KCNMA1: variants seen among roughly 807,000 people sequenced by gnomAD.
KCNMA1 encodes the protein potassium calcium-activated channel subfamily M alpha 1, also known as Calcium-activated potassium channel subunit alpha-1.
In KCNMA1, 29 loss-of-function variants were observed where a neutral mutation model predicts 140.0. That is an observed-to-expected ratio of 0.21 (90% CI 0.15 to 0.28). The LOEUF is 0.28. Ranked by LOEUF, KCNMA1 falls within the 10% of genes least tolerant of loss-of-function variation. KCNMA1 has a pLI of 1.00. For synonymous variants in KCNMA1, 612 were observed against 611.9 expected (o/e 1.00, Z 0.00); for missense variants, 880 against 1,602.2 (o/e 0.55, Z 7.70).
Position 76,911,754 on chromosome 10 carries a change from G to A in KCNMA1, c.3017-1658C>T, listed in dbSNP as rs894200930. ...AAGGTCTTGCTCAGGGGTCTTTCAA[G>A]AGGTAGCTTTTCCTCACCTCCCTTC... On this transcript the variant is annotated intron_variant, in intron 24 of 27. Transcript: ENST00000286628. 2.0e-5 allele frequency: 3 copies of A among 152,230 alleles called. No individual in the cohort carries two copies. In the South Asian group the frequency reaches 6.2e-4, roughly 32 times the overall value. 9.4% of individuals were successfully genotyped at this position (152,230 alleles called of 1,614,324 possible).
Position 77,339,463 on chromosome 10 carries a change from G to C in KCNMA1, c.540+64399C>G, listed in dbSNP as rs892263465. Among the ~76,000 whole-genome samples the C allele has an allele frequency of 1.2e-4, 18 of 152,256 alleles. No individual in the cohort carries two copies. The Middle Eastern group carries it at 0.01, about 86-fold the overall frequency. ...TCTTGGTTTTCCAGACATAGCAGATGTGACTGTGTTTGTATCTACCCCCAG... is the reference window on the plus strand; with the variant it reads ...TCTTGGTTTTCCAGACATAGCAGATCTGACTGTGTTTGTATCTACCCCCAG... On this transcript the variant is annotated intron_variant, in intron 2 of 27. Coordinates refer to ENST00000286628, the MANE Select transcript of KCNMA1 (RefSeq NM_001161352.2).
intron 1 of KCNMA1, among the ~76,000 whole-genome samples, chr10:77,571,671 C>T (rs754183396): frequency 6.6e-6 from 1 of 152,170 alleles, no homozygotes; most frequent in Non-Finnish European, 1.5e-5. Context: ...ATTTCCAACT[C>T]CCCACCTGGC....
chr10:76,906,292 G>A (rs923360340), intron 25 of KCNMA1, among the ~76,000 whole-genome samples: 8 of 152,182 alleles, frequency 5.3e-5, no homozygotes, highest in Non-Finnish European at 4.4e-5. Context: ...CACCTGGTGC[G>A]ACTGTGTGCA....
At chr10:77,131,984 A>G (rs2097871094) in intron 5 of KCNMA1, among the ~76,000 whole-genome samples, 1 of 146,764 alleles carries the variant, frequency 6.8e-6, no homozygotes, top group Admixed American at 6.8e-5. Flanking sequence ...AAAAAAAAAG[A>G]AAAGAAAAGG....
intron 23 of KCNMA1, among the ~76,000 whole-genome samples, chr10:76,923,156 A>C (rs910007785): frequency 6.6e-6 from 1 of 152,204 alleles, no homozygotes; most frequent in Non-Finnish European, 1.5e-5. Context: ...AACCAACCAA[A>C]CAAACAAAAC....
intron 3 of KCNMA1, among the ~76,000 whole-genome samples, chr10:77,235,530 C>T (rs893735752): frequency 1.3e-5 from 2 of 152,190 alleles, no homozygotes; most frequent in Non-Finnish European, 2.9e-5. Flanking sequence ...CCCAAGGTCA[C>T]TCACCCACAT....
intron 1 of KCNMA1, among the ~76,000 whole-genome samples, chr10:77,541,200 C>T (rs143159142): frequency 6.8e-4 from 103 of 151,932 alleles, no homozygotes; most frequent in South Asian, 2.5e-3. Flanking sequence ...TAAGTATAAA[C>T]GAATTAAACG....
At position 76,885,770 on chromosome 10, in the gene KCNMA1, C is replaced by T; in HGVS notation, c.*1496G>A. On this transcript the variant is annotated 3_prime_UTR_variant, in exon 28 of 28. Coordinates refer to ENST00000286628, the MANE Select transcript of KCNMA1 (RefSeq NM_001161352.2). ...TAAAGCATGATTTGCATGCACAAAG[C>T]ATCTGACAACTATATGTTGAAAAAA... 1.0e-6 allele frequency: 1 copy of T among 985,224 alleles called. No individual in the cohort carries two copies. The highest frequency in any genetic ancestry group is 1.2e-6 in the Non-Finnish European group (1 of 829,778). 61.0% of individuals were successfully genotyped at this position (985,224 alleles called of 1,614,324 possible).
chr10:77,082,262 C>T (rs1017751171), intron 12 of KCNMA1, among the ~76,000 whole-genome samples: 2 of 151,838 alleles, frequency 1.3e-5, no homozygotes, highest in South Asian at 2.1e-4. Context: ...CTCCTGACCT[C>T]GTGATCTGCC....
In KCNMA1 at chr10:77,348,263, T is replaced by G. The variant is rs111962967; in HGVS notation, c.540+55599A>C. Among the ~76,000 whole-genome samples, 3 of 152,200 alleles carry G rather than the reference T, an allele frequency of 2.0e-5. No homozygotes were observed. The East Asian group carries it at 5.8e-4, about 29-fold the overall frequency. ...GTGTGCTCTGACATACGATTCGAGA[T>G]GTACCAAGTCTGAGTCATTTACCCT... On this transcript the variant is annotated intron_variant, in intron 2 of 27. Transcript: ENST00000286628.
chr10:77,161,743 C>T (rs930070021), intron 5 of KCNMA1, among the ~76,000 whole-genome samples: 1 of 152,182 alleles, frequency 6.6e-6, no homozygotes, highest in Non-Finnish European at 1.5e-5. Flanking sequence ...GCTCTGCATA[C>T]ATTTAAATGC....
intron 16 of KCNMA1, among the ~76,000 whole-genome samples, chr10:77,024,912 T>C (rs966219600): frequency 2.6e-5 from 4 of 152,104 alleles, no homozygotes; most frequent in Admixed American, 6.5e-5. Context: ...TTCTGCTCTA[T>C]AGACAAGAAA....
intron 21 of KCNMA1, chr10:76,952,129 T>C: frequency 6.4e-7 from 1 of 1,551,936 alleles, no homozygotes; most frequent in Non-Finnish European, 8.7e-7. Flanking sequence ...ATTAAAACCC[T>C]AGGTCCCAGA....
intron 15 of KCNMA1, among the ~76,000 whole-genome samples, chr10:77,032,159 G>A (rs904883307): frequency 2.0e-5 from 3 of 152,076 alleles, no homozygotes; most frequent in African/African-American, 7.3e-5. Flanking sequence ...TTGTCCTTGG[G>A]ACCTTCTAGA....
chr10:77,026,350 T>C (rs2093461103), intron 16 of KCNMA1, among the ~76,000 whole-genome samples: 1 of 152,064 alleles, frequency 6.6e-6, no homozygotes, highest in African/African-American at 2.4e-5. Context: ...CAAAAGTAAA[T>C]AGAGAACACT....
At chr10:77,148,566 G>A (rs2098357216) in intron 5 of KCNMA1, among the ~76,000 whole-genome samples, 1 of 152,146 alleles carries the variant, frequency 6.6e-6, no homozygotes, top group Admixed American at 6.5e-5. Flanking sequence ...GCACACCTCA[G>A]CTGTGTTTTA....
At chr10:77,141,756 T>A (rs1218060649) in intron 5 of KCNMA1, among the ~76,000 whole-genome samples, 1 of 152,048 alleles carries the variant, frequency 6.6e-6, no homozygotes, top group Admixed American at 6.5e-5. Context: ...AACAGGAAAA[T>A]ATCCACATTC....
At chr10:77,604,843 G>A (rs1260235713) in intron 1 of KCNMA1, among the ~76,000 whole-genome samples, 1 of 152,180 alleles carries the variant, frequency 6.6e-6, no homozygotes, top group African/African-American at 2.4e-5. Flanking sequence ...GAGGTCTCAG[G>A]CTCACCTGGA....
intron 3 of KCNMA1, among the ~76,000 whole-genome samples, chr10:77,236,129 C>G (rs954905521): frequency 2.6e-5 from 4 of 152,170 alleles, no homozygotes; most frequent in Non-Finnish European, 5.9e-5. Flanking sequence ...CCAGTAAAAA[C>G]TTTGAACTCC....
Sources: gnomAD v4.1 joint callset for allele counts (sites outside exome capture counted in the v4.1 genomes callset) on GRCh38, gnomAD v4.1.1 for gene constraint, MANE v1.5 for transcripts, NCBI Gene and HGNC (gene_info 2026-07-23, HGNC 2026-07-21) for gene names.